The following TMEM169 variants were observed in gnomAD, a reference collection of about 807,000 sequenced individuals.
TMEM169 encodes transmembrane protein 169.
Under a neutral mutation model 27.3 loss-of-function variants are expected in TMEM169, and 18 were observed. The ratio of observed to expected loss-of-function variants is 0.66; its 90% CI spans 0.46 to 0.98. The LOEUF (loss-of-function observed/expected upper bound fraction) is 0.98, where lower values mean the gene tolerates loss of function less well. TMEM169 is among the 50% of genes least tolerant of loss of function. TMEM169 has a pLI of 0.00. For synonymous variants in TMEM169, 136 were observed against 142.1 expected (o/e 0.96, Z 0.30); for missense variants, 320 against 368.6 (o/e 0.87, Z 1.08).
Position 216,101,803 on chromosome 2 carries a change from C to G in TMEM169, c.*1261C>G, listed in dbSNP as rs1469603194. 1 of 152,180 alleles carries G rather than the reference C, an allele frequency of 6.6e-6. No homozygotes were observed. Among genetic ancestry groups the G allele is most frequent in the Non-Finnish European group, 1.5e-5 (1 of 68,036 alleles). The allele number at this position is 152,180 out of a possible 1,614,324, so 9.4% of individuals were successfully genotyped here. On this transcript the variant is annotated 3_prime_UTR_variant, in exon 3 of 3. Coordinates refer to ENST00000437356, the MANE Select transcript of TMEM169 (RefSeq NM_001142311.2). ...GGTAGGCAAGTCAGAATCTTTGCCT[C>G]ACAATGATCATTTAAATACATTCAG... is the stretch of plus-strand genomic sequence containing the variant.
chr2:216,098,569 T>C lies in TMEM169; in HGVS notation c.272-1351T>C, dbSNP rs527901373. Among the ~76,000 whole-genome samples, 5 of 152,256 alleles carry C rather than the reference T, an allele frequency of 3.3e-5. No homozygotes were observed. In the East Asian group the frequency reaches 9.7e-4, roughly 29 times the overall value. ...TGCCACTATCCAGGGCCCTGCTCTT[T>C]AGGTGGCTTCATCTTATCTCTCAGT... On this transcript the variant is annotated intron_variant, in intron 2 of 2. Coordinates refer to ENST00000437356, the MANE Select transcript of TMEM169 (RefSeq NM_001142311.2).
intron 1 of TMEM169, among the ~76,000 whole-genome samples, chr2:216,088,787 T>C (rs16855412): frequency 0.08 from 12,207 of 152,268 alleles, 1,625 homozygotes; most frequent in African/African-American, 0.28. Flanking sequence ...CCATAAATGT[T>C]GTGGTGTTTC....
chr2:216,095,989 G>A lies in TMEM169; in HGVS notation c.26G>A (p.Gly9Asp), dbSNP rs1696253176. The A allele has an allele frequency of 2.5e-6, 4 of 1,613,788 alleles. No homozygotes were observed. The highest frequency in any genetic ancestry group is 2.2e-5 in the East Asian group (1 of 44,882). MEEPTAVE[G>D]QVQLPSPHQG... ...ATGGAAGAGCCAACAGCAGTAGAAG[G>A]CCAGGTCCAGCTTCCAAGCCCCCAC... The change falls in exon 2 of 3, where the codon GGC (glycine) becomes GAC (aspartate). Residue 9 changes from glycine (G) to aspartate (D), a missense_variant. Physicochemically the swap from Gly to Asp is moderately conservative, Grantham distance 94. Transcript: ENST00000437356.
chr2:216,083,878 C>G (rs1321787122), intron 1 of TMEM169, among the ~76,000 whole-genome samples: 5 of 152,208 alleles, frequency 3.3e-5, no homozygotes, highest in Non-Finnish European at 7.3e-5. Flanking sequence ...CCGCTAAGTT[C>G]CAGGCCAAAA....
Position 216,086,935 on chromosome 2 carries a change from A to G in TMEM169, c.-127+4956A>G, listed in dbSNP as rs1696012515. ...CAAAAGAAAGGGAATAGAAACTAAT[A>G]TTTATGAAGTGTCAGTCACATATTA... On this transcript the variant is annotated intron_variant, in intron 1 of 2. Transcript: ENST00000437356. Among the ~76,000 whole-genome samples the G allele has an allele frequency of 2.0e-5, 3 of 152,354 alleles. No homozygotes were observed. The South Asian group carries it at 6.2e-4, about 32-fold the overall frequency.
intron 1 of TMEM169, among the ~76,000 whole-genome samples, chr2:216,083,446 G>A (rs991585949): frequency 2.0e-5 from 3 of 152,062 alleles, no homozygotes; most frequent in Admixed American, 2.0e-4. Flanking sequence ...TCTTGTGGGT[G>A]GGGACACTTT....
chr2:216,089,567 C>G (rs1467080538), intron 1 of TMEM169, among the ~76,000 whole-genome samples: 1 of 152,226 alleles, frequency 6.6e-6, no homozygotes, highest in Non-Finnish European at 1.5e-5. Flanking sequence ...AGCGATTCTC[C>G]TGCCTCAGCC....
chr2:216,096,199 A>T lies in TMEM169; in HGVS notation c.236A>T (p.Glu79Val). The T allele has an allele frequency of 3.7e-6, 6 of 1,614,128 alleles. No individual in the cohort carries two copies. The highest frequency in any genetic ancestry group is 5.1e-6 in the Non-Finnish European group (6 of 1,179,998). Residue 79 changes from glutamate to valine, a missense_variant, in exon 2 of 3, where the codon GAG (glutamate) becomes GTG (valine). By Grantham distance (121) the Glu-to-Val change is moderately radical. Transcript: ENST00000437356. ...GGTGGAGATCAGCCTAAAGAGGAGGAGGGAGATGATTTCCTAGACTATCCT... is the reference window on the plus strand; with the variant it reads ...GGTGGAGATCAGCCTAAAGAGGAGGTGGGAGATGATTTCCTAGACTATCCT... ...SEGGDQPKEE[E>V]GDDFLDYPVD...
chr2:216,094,735 A>G (rs1009466785), intron 1 of TMEM169, among the ~76,000 whole-genome samples: 2 of 152,258 alleles, frequency 1.3e-5, no homozygotes, highest in Non-Finnish European at 2.9e-5. Flanking sequence ...AGAATCTGCA[A>G]GATAAATGAC....
chr2:216,092,152 G>C (rs1696148822), intron 1 of TMEM169, among the ~76,000 whole-genome samples: 1 of 152,018 alleles, frequency 6.6e-6, no homozygotes, highest in Non-Finnish European at 1.5e-5. Flanking sequence ...GCCTCTGATA[G>C]GATTGTCCCT....
At chr2:216,086,069 C>CT (rs1256837273) in intron 1 of TMEM169, among the ~76,000 whole-genome samples, 82 of 147,132 alleles carry the variant, frequency 5.6e-4, no homozygotes, top group East Asian at 3.2e-3. Flanking sequence ...TTGTAAGAAT[C>CT]TTTTTTTTTT....
chr2:216,100,295 T>C lies in TMEM169; in HGVS notation c.647T>C (p.Val216Ala). 1.9e-6 allele frequency: 3 copies of C among 1,613,954 alleles called. No homozygotes were observed. Among genetic ancestry groups the C allele is most frequent in the East Asian group, 4.5e-5 (2 of 44,870 alleles). ...CCTTGCCTCGTTCTCTTCTATCCAG[T>C]GCTCATCATGGCCATGGCTTCTTCC... The part of the protein sequence containing the change: ...YCPCLVLFYP[V>A]LIMAMASSLG... Residue 216 changes from valine to alanine, a missense_variant, in exon 3 of 3, where the codon GTG (valine) becomes GCG (alanine). Coordinates refer to ENST00000437356, the MANE Select transcript of TMEM169 (RefSeq NM_001142311.2).
At chr2:216,087,433 C>A (rs2105979893) in intron 1 of TMEM169, among the ~76,000 whole-genome samples, 1 of 152,074 alleles carries the variant, frequency 6.6e-6, no homozygotes, top group South Asian at 2.1e-4. Flanking sequence ...TTCAAATGAA[C>A]AAATTAACAA....
Position 216,100,419 on chromosome 2 carries a change from C to G in TMEM169, c.771C>G (p.Cys257Trp). 6.2e-7 allele frequency: 1 copy of G among 1,613,996 alleles called. No homozygotes were observed. The highest frequency in any genetic ancestry group is 1.7e-5 in the Admixed American group (1 of 60,004). Residue 257 changes from cysteine (C) to tryptophan (W), a missense_variant, in exon 3 of 3, where the codon TGC becomes TGG. Physicochemically the swap from Cys to Trp is radical, Grantham distance 215 (BLOSUM62 -2). Transcript: ENST00000437356. ...AGAAAGGCTTCTGTGGCTGGCTCTG[C>G]AGCAAGCTGGGTCTGGAGGACTGTT... ...DMEKGFCGWL[C>W]SKLGLEDCSP...
At chr2:216,095,583 A>G (rs1055553161) in intron 1 of TMEM169, among the ~76,000 whole-genome samples, 1 of 152,240 alleles carries the variant, frequency 6.6e-6, no homozygotes, top group Admixed American at 6.5e-5. Context: ...GCAAATTATG[A>G]CAACAATGAG....
chr2:216,086,008 A>G (rs574422768), intron 1 of TMEM169, among the ~76,000 whole-genome samples: 1 of 152,312 alleles, frequency 6.6e-6, no homozygotes, highest in South Asian at 2.1e-4. Flanking sequence ...TACAATGACC[A>G]AGAGTACAGA....
At chr2:216,098,763 G>A (rs1412007984) in intron 2 of TMEM169, among the ~76,000 whole-genome samples, 2 of 150,678 alleles carry the variant, frequency 1.3e-5, no homozygotes, top group East Asian at 2.0e-4. Flanking sequence ...TGGGTGTGGT[G>A]TATGTGGGGG....
rs1172354126 is a variant in TMEM169 at position 216,102,496 on chromosome 2, C to T, written c.*1954C>T. ...TGGTGCTCTTTTCTTGTTCATGTCT[C>T]AAAACAAAGCTGTTGAGAGAACTGC... On this transcript the variant is annotated 3_prime_UTR_variant, in exon 3 of 3. Coordinates refer to ENST00000437356, the MANE Select transcript of TMEM169 (RefSeq NM_001142311.2). 6.6e-6 allele frequency: 1 copy of T among 152,470 alleles called. No individual in the cohort carries two copies. The highest frequency in any genetic ancestry group is 1.5e-5 in the Non-Finnish European group (1 of 68,018). 9.4% of individuals were successfully genotyped at this position (152,470 alleles called of 1,614,324 possible). A position where few individuals can be genotyped will look rare whatever the true frequency, so the allele number is the denominator to read the frequency against.
chr2:216,093,369 C>T (rs1559227197), intron 1 of TMEM169, among the ~76,000 whole-genome samples: 1 of 152,084 alleles, frequency 6.6e-6, no homozygotes, highest in Non-Finnish European at 1.5e-5. Flanking sequence ...GGCTCTCTCC[C>T]CTGCTTCTTC....
Sources: gnomAD v4.1 joint callset for allele counts (sites outside exome capture counted in the v4.1 genomes callset) on GRCh38, gnomAD v4.1.1 for gene constraint, MANE v1.5 for transcripts, NCBI Gene and HGNC (gene_info 2026-07-23, HGNC 2026-07-21) for gene names.